Variants in AGBL4 observed in about 807,000 individuals in gnomAD.
AGBL4 encodes AGBL carboxypeptidase 4, also known as cytosolic carboxypeptidase 6.
Under a neutral mutation model 66.4 loss-of-function variants are expected in AGBL4, and 58 were observed. The observed-to-expected ratio is 0.87, with a 90% confidence interval of 0.71 to 1.09. AGBL4 has a LOEUF of 1.09. Ranked by LOEUF, AGBL4 falls within the 50% of genes least tolerant of loss-of-function variation. The pLI, the probability that AGBL4 is intolerant of heterozygous loss-of-function variation, is 0.00. For synonymous variants in AGBL4, 234 were observed against 222.9 expected (o/e 1.05, Z -0.44); for missense variants, 579 against 631.0 (o/e 0.92, Z 0.88).
At position 49,274,727 on chromosome 1, in the gene AGBL4, G is replaced by A. The variant is rs928262721; in HGVS notation, c.283-28863C>T. Among the ~76,000 whole-genome samples the A allele has an allele frequency of 2.0e-5, 3 of 152,070 alleles. No individual in the cohort carries two copies. In the East Asian group the frequency reaches 5.8e-4, roughly 29 times the overall value. ...CTTTAGAAATCATACTATTGGAGTA[G>A]GTAAAAAATTCCAGGACTCTAATTA... On this transcript the variant is annotated intron_variant, in intron 3 of 13. Transcript: ENST00000371839.
At chr1:49,606,159 G>A (rs1240917597) in intron 3 of AGBL4, among the ~76,000 whole-genome samples, 1 of 152,102 alleles carries the variant, frequency 6.6e-6, no homozygotes, top group South Asian at 2.1e-4. Flanking sequence ...ATAGGGGATT[G>A]AGGTTTCTAG....
intron 3 of AGBL4, among the ~76,000 whole-genome samples, chr1:49,521,288 AGCCT>A (rs1457010618): frequency 1.6e-4 from 25 of 152,266 alleles, no homozygotes; most frequent in African/African-American, 5.8e-4. Flanking sequence ...TACAAAAAAG[AGCCT>A]GACTAGTAAA....
intron 3 of AGBL4, among the ~76,000 whole-genome samples, chr1:49,425,728 G>T (rs557525972): frequency 6.6e-6 from 1 of 152,184 alleles, no homozygotes; most frequent in Non-Finnish European, 1.5e-5. Context: ...TCTCATCTCT[G>T]CCTCATGACC....
At chr1:49,191,777 G>A (rs1647124466) in intron 4 of AGBL4, among the ~76,000 whole-genome samples, 1 of 152,152 alleles carries the variant, frequency 6.6e-6, no homozygotes, top group African/African-American at 2.4e-5. Flanking sequence ...CACTCTTGCT[G>A]CAAAGGAGAT....
At chr1:49,774,083 T>C (rs1018665629) in intron 2 of AGBL4, among the ~76,000 whole-genome samples, 7 of 152,184 alleles carry the variant, frequency 4.6e-5, no homozygotes, top group Non-Finnish European at 8.8e-5. Context: ...TGCCATGCCA[T>C]AGAAATGTAT....
chr1:49,662,462 G>A (rs1374128612), intron 3 of AGBL4, among the ~76,000 whole-genome samples: 1 of 151,974 alleles, frequency 6.6e-6, no homozygotes, highest in Non-Finnish European at 1.5e-5. Context: ...CCAACATATT[G>A]ACAGAATTTA....
intron 6 of AGBL4, among the ~76,000 whole-genome samples, chr1:48,699,011 C>T (rs12070366): frequency 0.034 from 5,223 of 152,212 alleles, 97 homozygotes; most frequent in South Asian, 0.063. Flanking sequence ...CTCTGTGGAC[C>T]ATATATTTCT....
At chr1:49,114,291 T>C (rs531140487) in intron 4 of AGBL4, among the ~76,000 whole-genome samples, 126 of 152,316 alleles carry the variant, frequency 8.3e-4, no homozygotes, top group Admixed American at 1.2e-3. Context: ...CTTTAAACCA[T>C]ATGAACCAAC....
At chr1:49,726,914 AT>A (rs531078970) in intron 2 of AGBL4, among the ~76,000 whole-genome samples, 1 of 151,996 alleles carries the variant, frequency 6.6e-6, no homozygotes, top group Non-Finnish European at 1.5e-5. Context: ...TCTATTTGCA[AT>A]TTTTTTTAAA....
chr1:48,953,639 T>C (rs764840333), intron 5 of AGBL4, among the ~76,000 whole-genome samples: 7 of 152,216 alleles, frequency 4.6e-5, no homozygotes, highest in Non-Finnish European at 8.8e-5. Context: ...AGATGCTCAG[T>C]GAAAGTGAGG....
At chr1:49,008,443 C>A (rs1266616895) in intron 5 of AGBL4, among the ~76,000 whole-genome samples, 1 of 149,748 alleles carries the variant, frequency 6.7e-6, no homozygotes, top group South Asian at 2.1e-4. Context: ...CTTTAACACC[C>A]CACTGTCAAC....
intron 4 of AGBL4, among the ~76,000 whole-genome samples, chr1:49,133,223 C>G (rs1645936783): frequency 6.6e-6 from 1 of 152,092 alleles, no homozygotes; most frequent in Non-Finnish European, 1.5e-5. Context: ...GAACACCACA[C>G]ACTGGGGCCT....
chr1:49,911,302 G>A (rs769565507), intron 1 of AGBL4, among the ~76,000 whole-genome samples: 16 of 152,284 alleles, frequency 1.1e-4, no homozygotes, highest in Non-Finnish European at 1.6e-4. Context: ...TGATTGTTGA[G>A]AGGAAGAAAT....
At chr1:49,118,004 T>A (rs370152455) in intron 4 of AGBL4, among the ~76,000 whole-genome samples, 31 of 152,334 alleles carry the variant, frequency 2.0e-4, no homozygotes, top group African/African-American at 7.5e-4. Context: ...AATTCTCTCA[T>A]GATTTGGCTC....
intron 1 of AGBL4, among the ~76,000 whole-genome samples, chr1:49,905,381 C>T (rs1042602495): frequency 2.6e-5 from 4 of 152,032 alleles, no homozygotes; most frequent in Admixed American, 6.5e-5. Flanking sequence ...ACATGATTAC[C>T]CTTATGGTGG....
intron 3 of AGBL4, among the ~76,000 whole-genome samples, chr1:49,418,269 C>T (rs1277270410): frequency 1.3e-5 from 2 of 152,122 alleles, no homozygotes; most frequent in Admixed American, 1.3e-4. Context: ...AAGAAAGTAA[C>T]ATTTAATGGC....
Position 48,760,458 on chromosome 1 carries a change from G to A in AGBL4, c.635-97217C>T, listed in dbSNP as rs560229424. ...TGATATTGTGTTACATGACAAAATC[G>A]TAAGTCGTTTTATCTGCTGAGATAA... On this transcript the variant is annotated intron_variant, in intron 6 of 13. Transcript: ENST00000371839. Among the ~76,000 whole-genome samples the A allele has an allele frequency of 3.9e-4, 59 of 152,276 alleles. 1 individual carries two copies. Among genetic ancestry groups the A allele is most frequent in the Non-Finnish European group, 6.5e-4 (44 of 68,020 alleles).
intron 3 of AGBL4, among the ~76,000 whole-genome samples, chr1:49,476,868 C>A (rs1191104322): frequency 6.6e-6 from 1 of 152,046 alleles, no homozygotes; most frequent in Non-Finnish European, 1.5e-5. Flanking sequence ...TGGCAGCATT[C>A]ACCACAAGCT....
intron 2 of AGBL4, among the ~76,000 whole-genome samples, chr1:49,841,012 G>A (rs1645977086): frequency 6.6e-6 from 1 of 152,140 alleles, no homozygotes; most frequent in African/African-American, 2.4e-5. Context: ...AAGCAGTCAG[G>A]CAAGAGAAAG....
Sources: allele counts gnomAD v4.1 joint callset (sites outside exome capture counted in the v4.1 genomes callset), GRCh38; gene constraint gnomAD v4.1.1; transcripts MANE v1.5; gene names NCBI Gene and HGNC (gene_info 2026-07-23, HGNC 2026-07-21).